Variants in OGN observed in about 807,000 individuals in gnomAD.
The protein encoded by OGN is osteoglycin, also known as mimecan.
OGN carries 19 observed loss-of-function variants against 30.8 expected under a neutral mutation model. The observed-to-expected ratio is 0.62, with a 90% CI of 0.43 to 0.90. The LOEUF is 0.90. Ranked by LOEUF, OGN falls within the 40% of genes least tolerant of loss-of-function variation. The probability of loss-of-function intolerance (pLI) is 0.00; values close to 1 mark genes in which losing one functional copy is unlikely to be tolerated. For synonymous variants in OGN, 126 were observed against 128.3 expected (o/e 0.98, Z 0.12); for missense variants, 283 against 349.7 (o/e 0.81, Z 1.52).
At chr9:92,396,410 G>A in intron 3 of OGN, among the ~76,000 whole-genome samples, 1 of 151,716 alleles carries the variant, frequency 6.6e-6, no homozygotes, top group East Asian at 1.9e-4. Context: ...TTTTGATTGG[G>A]ATTGTGTTGA....
chr9:92,384,734 T>A lies in OGN; in HGVS notation c.*886A>T, dbSNP rs1279101565. The A allele has an allele frequency of 6.6e-6, 1 of 152,128 alleles. No homozygotes were observed. The highest frequency in any genetic ancestry group is 2.4e-5 in the African/African-American group (1 of 41,444). The allele number at this position is 152,128 out of a possible 1,614,324, so 9.4% of individuals were successfully genotyped here. A position where few individuals can be genotyped will look rare whatever the true frequency, so the allele number is the denominator to read the frequency against. ...GGCACCACAGAATATTCTGTTTTCA[T>A]CTTATGCTTGAACTAATTTATTGAT... On this transcript the variant is annotated 3_prime_UTR_variant, in exon 7 of 7. Transcript: ENST00000375561.
intron 3 of OGN, among the ~76,000 whole-genome samples, chr9:92,396,379 CAAAA>C (rs369199427): frequency 6.9e-6 from 1 of 144,824 alleles, no homozygotes; most frequent in Non-Finnish European, 1.5e-5. Flanking sequence ...GTTAATTAAA[CAAAA>C]AAAAAACCTA....
chr9:92,393,061 A>C (rs759443335), intron 4 of OGN, 25 bp downstream of exon 4: 1 of 1,592,682 alleles, frequency 6.3e-7, no homozygotes, highest in Non-Finnish European at 8.6e-7. Context: ...AGTTAATACT[A>C]ATATCATATT....
chr9:92,390,587 T>TGTGTGTGC (rs749697394), intron 4 of OGN, among the ~76,000 whole-genome samples: 36 of 141,910 alleles, frequency 2.5e-4, no homozygotes, highest in African/African-American at 8.4e-4. Flanking sequence ...TGTGTGTGTG[T>TGTGTGTGC]GCGCGCGCGC....
At chr9:92,386,440 C>T (rs1204474732) in intron 5 of OGN, 144 bp from the exon 6 acceptor site, 3 of 579,658 alleles carry the variant, frequency 5.2e-6, no homozygotes, top group South Asian at 2.1e-5. Context: ...ATCAATTGTT[C>T]GTATGGTAGT....
chr9:92,383,451 G>A lies in OGN; in HGVS notation c.*2169C>T, dbSNP rs777550824. On this transcript the variant is annotated 3_prime_UTR_variant, in exon 7 of 7. Coordinates refer to ENST00000375561, the MANE Select transcript of OGN (RefSeq NM_014057.5). ...AAACACAAGACATCTTTCCATTTAT[G>A]TATGTCTTTAGTTTTTTTCAGCAAT... Among the ~76,000 whole-genome samples, 4 of 152,014 alleles carry A rather than the reference G, an allele frequency of 2.6e-5. No individual in the cohort carries two copies. The highest frequency in any genetic ancestry group is 4.4e-5 in the Non-Finnish European group (3 of 67,984).
At chr9:92,393,639 C>G (rs1480978591) in intron 3 of OGN, among the ~76,000 whole-genome samples, 2 of 152,160 alleles carry the variant, frequency 1.3e-5, no homozygotes, top group Non-Finnish European at 2.9e-5. Flanking sequence ...AGTAAGGAAG[C>G]CATTAACTTG....
At position 92,404,488 on chromosome 9, in the gene OGN, A is replaced by G; in HGVS notation, c.-76+8T>C. 7.8e-7 allele frequency: 1 copy of G among 1,274,860 alleles called. No individual in the cohort carries two copies. Among genetic ancestry groups the G allele is most frequent in the Non-Finnish European group, 1.0e-6 (1 of 978,598 alleles). The allele number at this position is 1,274,860 out of a possible 1,614,324, so 79.0% of individuals were successfully genotyped here. A position where few individuals can be genotyped will look rare whatever the true frequency, so the allele number is the denominator to read the frequency against. On this transcript the variant is annotated splice_region_variant and intron_variant, in intron 1 of 6. Transcript: ENST00000375561. Reference sequence around the variant, plus strand: ...ATATTTAAAATAATATATGAAAAGTAAGCCTACCGTTGTAGCTGTTTTGAA... The same window carrying G: ...ATATTTAAAATAATATATGAAAAGTGAGCCTACCGTTGTAGCTGTTTTGAA...
intron 2 of OGN, among the ~76,000 whole-genome samples, chr9:92,402,296 T>C (rs1843147045): frequency 1.3e-5 from 2 of 152,172 alleles, no homozygotes; most frequent in African/African-American, 4.8e-5. Flanking sequence ...AGAAAGAAAC[T>C]GTGGTGTTAA....
chr9:92,400,767 G>A (rs866895514), intron 3 of OGN, among the ~76,000 whole-genome samples: 4 of 152,110 alleles, frequency 2.6e-5, no homozygotes, highest in East Asian at 1.9e-4. Flanking sequence ...TATATTTACC[G>A]TATACTGAGG....
chr9:92,396,712 G>C (rs1201583922), intron 3 of OGN, among the ~76,000 whole-genome samples: 6 of 151,674 alleles, frequency 4.0e-5, no homozygotes, highest in African/African-American at 2.4e-5. Flanking sequence ...CTACAGGTTT[G>C]TGCCACCACA....
chr9:92,389,701 A>AT (rs1842588098), intron 5 of OGN, 153 bp downstream of exon 5: 1 of 579,108 alleles, frequency 1.7e-6, no homozygotes, highest in Admixed American at 3.3e-5. Context: ...AATGAGCCTA[A>AT]TAGGATGGTT....
intron 4 of OGN, 80 bp downstream of exon 4, chr9:92,393,006 C>A: frequency 1.8e-6 from 2 of 1,126,208 alleles, no homozygotes; most frequent in Admixed American, 2.4e-5. Context: ...TGATAGGCAG[C>A]AACTATATAG....
At chr9:92,389,764 G>A (rs1842592741) in intron 5 of OGN, 90 bp downstream of exon 5, 4 of 789,670 alleles carry the variant, frequency 5.1e-6, no homozygotes, top group Admixed American at 5.6e-5. Flanking sequence ...GTTTTTAAGT[G>A]TAATCAAAAT....
chr9:92,395,916 G>A (rs1014998079), intron 3 of OGN, among the ~76,000 whole-genome samples: 1 of 150,424 alleles, frequency 6.6e-6, no homozygotes, highest in African/African-American at 2.4e-5. Context: ...CATGGTTTCT[G>A]TGTTGTATTT....
At chr9:92,391,826 T>G (rs556884201) in intron 4 of OGN, among the ~76,000 whole-genome samples, 22 of 152,168 alleles carry the variant, frequency 1.4e-4, no homozygotes, top group Non-Finnish European at 2.6e-4. Flanking sequence ...AGAAAGCCCA[T>G]GAAAGCACAA....
intron 2 of OGN, among the ~76,000 whole-genome samples, chr9:92,402,354 A>G (rs543227850): frequency 8.4e-4 from 128 of 152,318 alleles, no homozygotes; most frequent in African/African-American, 2.9e-3. Flanking sequence ...GAAAGTAGCA[A>G]TTATAACTGG....
rs1842318469 is a variant in OGN at position 92,383,563 on chromosome 9, A to T, written c.*2057T>A. Among the ~76,000 whole-genome samples, 1 of 152,098 alleles carries T rather than the reference A, an allele frequency of 6.6e-6. No homozygotes were observed. The highest frequency in any genetic ancestry group is 2.1e-4 in the South Asian group (1 of 4,818). ...ACATTATGAATATAATGGAGACAGCATATTTTTACTTTCTCTAATTATTTC... is the reference window on the plus strand; with the variant it reads ...ACATTATGAATATAATGGAGACAGCTTATTTTTACTTTCTCTAATTATTTC... On this transcript the variant is annotated 3_prime_UTR_variant, in exon 7 of 7. Transcript: ENST00000375561.
intron 4 of OGN, 43 bp downstream of exon 4, chr9:92,393,043 C>G (rs1404712684): frequency 4.6e-6 from 7 of 1,532,710 alleles, no homozygotes; most frequent in Middle Eastern, 1.7e-4. Context: ...GAGTTAAATA[C>G]TAATACGAGT....
Sources: allele counts gnomAD v4.1 joint callset (sites outside exome capture counted in the v4.1 genomes callset), GRCh38; gene constraint gnomAD v4.1.1; transcripts MANE v1.5; gene names NCBI Gene and HGNC (gene_info 2026-07-23, HGNC 2026-07-21).